Variants in MELTF observed in about 807,000 individuals in gnomAD.
The protein encoded by MELTF is melanotransferrin, also known as antigen p97 (melanoma associated) identified by monoclonal antibodies 133.2 and 96.5.
Under a neutral mutation model 83.7 loss-of-function variants are expected in MELTF, and 67 were observed. That is an observed-to-expected ratio of 0.80 (90% CI 0.66 to 0.98). The LOEUF (loss-of-function observed/expected upper bound fraction) is 0.98, where lower values mean the gene tolerates loss of function less well. MELTF is among the 50% of genes least tolerant of loss of function. The pLI, the probability that MELTF is intolerant of heterozygous loss-of-function variation, is 0.00. For missense variants in MELTF, 1,002 were observed against 1,035.6 expected, an observed-to-expected ratio of 0.97 and a Z score of 0.44; for synonymous variants, 462 against 447.6, an observed-to-expected ratio of 1.03 and a Z score of -0.41.
Position 197,011,364 on chromosome 3 carries a change from A to G in MELTF, c.1234-570T>C, listed in dbSNP as rs1311392953. 6.6e-6 allele frequency among the ~76,000 whole-genome samples: 1 copy of G among 152,158 alleles called. No homozygotes were observed. Among genetic ancestry groups the G allele is most frequent in the Non-Finnish European group, 1.5e-5 (1 of 68,012 alleles). The stretch of plus-strand genomic sequence containing the variant: ...TTCCCAGGACCCTCCTGGGGCCTCC[A>G]GGTCACCTGCACCCACCCCGCTTGT... On this transcript the variant is annotated intron_variant, in intron 9 of 15. Transcript: ENST00000296350. This position sits in a 1 kb window ranked among gnomAD's most constrained non-coding sequence, Gnocchi z 4.2.
chr3:197,011,030 G>A lies in MELTF; in HGVS notation c.1234-236C>T, dbSNP rs374452765. Among the ~76,000 whole-genome samples the A allele has an allele frequency of 2.0e-5, 3 of 152,174 alleles. No individual in the cohort carries two copies. On this transcript the variant is annotated intron_variant, in intron 9 of 15. Transcript: ENST00000296350. This position sits in a 1 kb window ranked among gnomAD's most constrained non-coding sequence, Gnocchi z 4.2. ...ACCAAGGGGCAGAAACACCCACGCA[G>A]CACTCCTGCGCGTGGCCACCCAGGG...
intron 9 of MELTF, among the ~76,000 whole-genome samples, chr3:197,014,212 G>A (rs899231108): frequency 3.9e-5 from 6 of 152,164 alleles, no homozygotes; most frequent in African/African-American, 7.2e-5. Context: ...GCAGCAACAC[G>A]GACGGAACTG....
In MELTF at chr3:197,009,631, AC is replaced by A; in HGVS notation, c.1511del (p.Cys504LeufsTer7). On this transcript the variant is annotated frameshift_variant, in exon 11 of 16. Coordinates refer to ENST00000296350, the MANE Select transcript of MELTF (RefSeq NM_005929.6). LOFTEE classifies it high-confidence loss of function. The stretch of plus-strand genomic sequence containing the variant: ...AGGGGGGGGTACCTGTGAGGACGTC[AC>A]AGTCCTTGGGCCGGATGAAGCCTCT... Reference protein sequence around the residue: ...IQRGFIRPKDCDVLTAVSEFF... With the variant: ...IQRGFIRPKDXDVLTAVSEFF... 6.2e-7 allele frequency: 1 copy of A among 1,609,344 alleles called. No individual in the cohort carries two copies. Among genetic ancestry groups the A allele is most frequent in the African/African-American group, 1.3e-5 (1 of 74,962 alleles).
At chr3:197,025,616 T>C (rs1719821426) in intron 3 of MELTF, 1 of 152,362 alleles carries the variant, frequency 6.6e-6, no homozygotes, top group African/African-American at 2.4e-5. Context: ...TGCATGCTTA[T>C]GACCAGCGGG....
At chr3:197,016,653 T>C (rs1340368721) in intron 7 of MELTF, among the ~76,000 whole-genome samples, 2 of 152,174 alleles carry the variant, frequency 1.3e-5, no homozygotes, top group African/African-American at 4.8e-5. Context: ...GGACACGCCG[T>C]GGGGCTGGTG....
At chr3:197,005,722 C>G (rs1451700900) in intron 14 of MELTF, among the ~76,000 whole-genome samples, 1 of 151,406 alleles carries the variant, frequency 6.6e-6, no homozygotes, top group East Asian at 1.9e-4. Context: ...GAGAAATGGC[C>G]ACTGGGTTTA....
intron 6 of MELTF, chr3:197,019,541 C>G: frequency 6.5e-7 from 1 of 1,543,714 alleles, no homozygotes. Context: ...GGTTTGAGAC[C>G]AGCCTGGGCA....
At chr3:197,027,362 C>T (rs1438523913) in intron 2 of MELTF, among the ~76,000 whole-genome samples, 1 of 152,230 alleles carries the variant, frequency 6.6e-6, no homozygotes, top group Non-Finnish European at 1.5e-5. Context: ...CCATGCTCAC[C>T]CACCTGGGAG....
intron 2 of MELTF, 102 bp from the exon 3 acceptor site, chr3:197,026,861 G>C (rs1377999656): frequency 2.0e-5 from 18 of 920,960 alleles, no homozygotes; most frequent in Non-Finnish European, 3.1e-5. Context: ...CCAAGCCCCA[G>C]AGGGCTGTGC....
rs201767349 is a variant in MELTF, at chr3:197,021,383, C to T, written c.712+21G>A. ...GGCCTGACTCCCTGCTCCTCTGGGC[C>T]CGTGCCCCTCCCCCACTCACCATCC... On this transcript the variant is annotated intron_variant, in intron 6 of 15. Coordinates refer to ENST00000296350, the MANE Select transcript of MELTF (RefSeq NM_005929.6). 219 of 1,613,582 alleles carry T rather than the reference C, an allele frequency of 1.4e-4. 2 individuals are homozygous for T. In the East Asian group the frequency reaches 3.5e-3, roughly 26 times the overall value.
In MELTF at chr3:197,003,867, C is replaced by T; in HGVS notation, c.2137+34G>A. 1 of 1,605,860 alleles carries T rather than the reference C, an allele frequency of 6.2e-7. No individual in the cohort carries two copies. The highest frequency in any genetic ancestry group is 8.5e-7 in the Non-Finnish European group (1 of 1,176,038). On this transcript the variant is annotated intron_variant, in intron 15 of 15. Transcript: ENST00000296350. This position sits in a 1 kb window ranked among gnomAD's most constrained non-coding sequence, Gnocchi z 6.2. ...TTCTGGGGTGAAGGGGTCTGAATAGCACCAGGGGAGGCGGCAGGGCGGGCC... is the reference window on the plus strand; with the variant it reads ...TTCTGGGGTGAAGGGGTCTGAATAGTACCAGGGGAGGCGGCAGGGCGGGCC...
chr3:197,019,383 T>A, intron 6 of MELTF: 1 of 1,270,352 alleles, frequency 7.9e-7, no homozygotes. Context: ...CCCTTGGCTC[T>A]TACCAATCTT....
At position 197,024,035 on chromosome 3, in the gene MELTF, G is replaced by GGCCTGTGCCTGGCTGT. The variant is rs1553848461; in HGVS notation, c.487+252_487+267dup. On this transcript the variant is annotated intron_variant, in intron 4 of 15. Transcript: ENST00000296350. The surrounding 1 kb of genome is among the most constrained non-coding windows in gnomAD (Gnocchi z 5.3). Reference sequence around the variant, plus strand: ...TTCACTGCTTCCCACTCATGGGCTGGGCCTGTGCCTGGCTGTGCCATGTGG... The same window carrying GGCCTGTGCCTGGCTGT: ...TTCACTGCTTCCCACTCATGGGCTGGGCCTGTGCCTGGCTGTGCCTGTGCCTGGCTGTGCCATGTGG... 3.1e-6 allele frequency: 2 copies of GGCCTGTGCCTGGCTGT among 641,186 alleles called. No homozygotes were observed. The highest frequency in any genetic ancestry group is 2.1e-5 in the Admixed American group (1 of 47,676). 39.7% of individuals were successfully genotyped at this position (641,186 alleles called of 1,614,324 possible).
At position 197,024,276 on chromosome 3, in the gene MELTF, C is replaced by A. The variant is rs369636079; in HGVS notation, c.487+27G>T. On this transcript the variant is annotated intron_variant, in intron 4 of 15. Coordinates refer to ENST00000296350, the MANE Select transcript of MELTF (RefSeq NM_005929.6). This position sits in a 1 kb window ranked among gnomAD's most constrained non-coding sequence, Gnocchi z 5.3. ...AGGAAAGGAGGGGGAGGCCTGGGGA[C>A]CCTCCTGCCCAGCCCAAAGCCCTCA... 7.0e-5 allele frequency: 107 copies of A among 1,525,126 alleles called. No homozygotes were observed. The Middle Eastern group carries it at 1.0e-3, about 14-fold the overall frequency. 94.5% of individuals were successfully genotyped at this position (1,525,126 alleles called of 1,614,324 possible).
rs1445363458 is a variant in MELTF, at chr3:197,003,444, C to T, written c.2145G>A (p.Pro715=). The change falls in exon 16 of 16, where the codon CCG becomes CCA. Residue 715 remains proline, a synonymous_variant. Coordinates refer to ENST00000296350, the MANE Select transcript of MELTF (RefSeq NM_005929.6). This position sits in a 1 kb window ranked among gnomAD's most constrained non-coding sequence, Gnocchi z 6.2. ...SSQQCSGAAA[P]APGAPLLPLL... ...GCGGGAGCAGGGGCGCCCCGGGCGC[C>T]GGGGCCGCTGGGGACGAACGCGGCG... 4.4e-5 allele frequency: 46 copies of T among 1,052,342 alleles called. No individual in the cohort carries two copies. The highest frequency in any genetic ancestry group is 5.0e-5 in the Non-Finnish European group (44 of 882,308). The allele number at this position is 1,052,342 out of a possible 1,614,324, so 65.2% of individuals were successfully genotyped here.
rs769056137 is a variant in MELTF, at chr3:197,026,716, T to C, written c.248A>G (p.Tyr83Cys). The change falls in exon 3 of 16, where the codon TAT becomes TGT. Residue 83 changes from tyrosine (Y) to cysteine (C), a missense_variant. Physicochemically the swap from Tyr to Cys is radical, Grantham distance 194. Coordinates refer to ENST00000296350, the MANE Select transcript of MELTF (RefSeq NM_005929.6). ...CAGGCCGTGCTCCTTTCCCGCCTCA[T>C]AGATGGCTCCTCCATCCAGAGTGAT... ...DAITLDGGAI[Y>C]EAGKEHGLKP... 11 of 1,613,330 alleles carry C rather than the reference T, an allele frequency of 6.8e-6. No individual in the cohort carries two copies. In the African/African-American group the frequency reaches 8.0e-5, roughly 12 times the overall value.
rs900391034 is a variant in MELTF at position 197,017,781 on chromosome 3, G to A, written c.713-491C>T. Among the ~76,000 whole-genome samples the A allele has an allele frequency of 1.1e-4, 17 of 152,244 alleles. No homozygotes were observed. The South Asian group carries it at 2.3e-3, about 20-fold the overall frequency. On this transcript the variant is annotated intron_variant, in intron 6 of 15. Transcript: ENST00000296350. ...AATCCCAGCTACTGGGGAGGCTGAG[G>A]CAGGAGAATGGTGTGAACCTGGGAG...
intron 9 of MELTF, among the ~76,000 whole-genome samples, chr3:197,015,107 G>A (rs1477970403): frequency 6.6e-6 from 1 of 152,182 alleles, no homozygotes. Flanking sequence ...GGAGCTCCCA[G>A]GCTCTCCAGG....
In MELTF at chr3:197,016,369, G is replaced by C; in HGVS notation, c.901C>G (p.Arg301Gly). 6.3e-7 allele frequency: 1 copy of C among 1,582,562 alleles called. No individual in the cohort carries two copies. The highest frequency in any genetic ancestry group is 8.6e-7 in the Non-Finnish European group (1 of 1,164,126). ...LIFRLLNEGQ[R>G]LFSHEGSSFQ... is the part of the protein sequence containing the mutation. The stretch of plus-strand genomic sequence containing the variant: ...CTGCTGCCCTCGTGGCTGAACAGAC[G>C]CTGTGTGTCAAGGGGTGTGGTACAG... The change falls in exon 8 of 16, where the codon CGT becomes GGT. Residue 301 changes from arginine (R) to glycine (G), a missense_variant and splice_region_variant. Coordinates refer to ENST00000296350, the MANE Select transcript of MELTF (RefSeq NM_005929.6).
Sources: allele counts gnomAD v4.1 joint callset (sites outside exome capture counted in the v4.1 genomes callset), GRCh38; gene constraint gnomAD v4.1.1; non-coding constraint Gnocchi (gnomAD v3.1); transcripts MANE v1.5; gene names NCBI Gene and HGNC (gene_info 2026-07-23, HGNC 2026-07-21).